The following RTL4 variants were observed in gnomAD, a reference collection of about 807,000 sequenced individuals.
RTL4 encodes the protein retrotransposon Gag-like protein 4.
A neutral mutation model predicts 5.3 loss-of-function variants in RTL4; 4 were observed. That is an observed-to-expected ratio of 0.75 (90% confidence interval 0.37 to 1.72). The LOEUF (loss-of-function observed/expected upper bound fraction) is 1.72. Among genes scored for constraint, RTL4 ranks in the 40% most tolerant of loss-of-function variants. The probability of loss-of-function intolerance (pLI) is 0.04; values close to 1 mark genes in which losing one functional copy is unlikely to be tolerated. For synonymous variants in RTL4, 98 were observed against 87.3 expected (o/e 1.12, Z -0.68); for missense variants, 260 against 227.1 (o/e 1.14, Z -0.93).
At chrX:112,184,816 G>A in the RTL4 span, among the ~76,000 whole-genome samples, 17 of 111,859 alleles carry the variant, frequency 1.5e-4, no homozygotes, top group African/African-American at 5.5e-4. Context: ...TTTATGACTA[G>A]GTAAAGCAGC....
the RTL4 span, among the ~76,000 whole-genome samples, chrX:112,424,784 G>C: frequency 9.0e-6 from 1 of 110,771 alleles, no homozygotes; most frequent in Non-Finnish European, 1.9e-5. Context: ...TTTTAGAGCA[G>C]TTTTAGGCTC....
chrX:112,330,669 A>T, the RTL4 span, among the ~76,000 whole-genome samples: 1 of 111,292 alleles, frequency 9.0e-6, no homozygotes, highest in Non-Finnish European at 1.9e-5. Context: ...TAAAGTTCAT[A>T]TGGAACCAAA....
At chrX:112,217,185 G>A in the RTL4 span, among the ~76,000 whole-genome samples, 1 of 111,595 alleles carries the variant, frequency 9.0e-6, no homozygotes, top group Non-Finnish European at 1.9e-5. Flanking sequence ...TGCCACAAGA[G>A]GGACAGAGCC....
At chrX:112,211,559 GCACA>G in the RTL4 span, among the ~76,000 whole-genome samples, 1 of 112,232 alleles carries the variant, frequency 8.9e-6, no homozygotes, top group Non-Finnish European at 1.9e-5. Flanking sequence ...TGGCTGCTTT[GCACA>G]GCACAGGGAG....
At chrX:112,216,012 A>G in the RTL4 span, among the ~76,000 whole-genome samples, 4 of 111,774 alleles carry the variant, frequency 3.6e-5, no homozygotes, top group East Asian at 2.8e-4. Flanking sequence ...TGCACGTTGT[A>G]TCTGTCAAAT....
the RTL4 span, among the ~76,000 whole-genome samples, chrX:112,396,314 G>A: frequency 9.0e-6 from 1 of 111,409 alleles, no homozygotes; most frequent in Non-Finnish European, 1.9e-5. Flanking sequence ...CACTACCAAG[G>A]CATAGTGGAA....
chrX:112,252,153 A>C, the RTL4 span, among the ~76,000 whole-genome samples: 1 of 112,166 alleles, frequency 8.9e-6, no homozygotes, highest in Non-Finnish European at 1.9e-5. Context: ...ACTGTTTTTC[A>C]AGTAAACTGG....
At chrX:112,365,173 G>A in the RTL4 span, among the ~76,000 whole-genome samples, 1 of 111,011 alleles carries the variant, frequency 9.0e-6, no homozygotes, top group African/African-American at 3.3e-5. Context: ...TGGACATGGT[G>A]GGGGTGGAAA....
At chrX:112,084,398 T>C in the RTL4 span, among the ~76,000 whole-genome samples, 1 of 109,584 alleles carries the variant, frequency 9.1e-6, no homozygotes, top group Non-Finnish European at 1.9e-5. Context: ...GAAGAGTTTG[T>C]GTCTGGGGGG....
chrX:112,390,106 AATATATATATATATATAT>A, the RTL4 span, among the ~76,000 whole-genome samples: 221 of 17,390 alleles, frequency 0.013, 3 homozygotes, highest in African/African-American at 0.027. Flanking sequence ...ATTTATATAT[AATATATATATATATATAT>A]ATATATATAT....
the RTL4 span, among the ~76,000 whole-genome samples, chrX:112,317,234 G>A: frequency 6.3e-5 from 7 of 111,619 alleles, no homozygotes; most frequent in African/African-American, 2.3e-4. Flanking sequence ...CCAGGTACTC[G>A]GAAGACTGAG....
the RTL4 span, among the ~76,000 whole-genome samples, chrX:112,330,287 A>T: frequency 1.9e-5 from 2 of 107,080 alleles, no homozygotes; most frequent in Non-Finnish European, 3.8e-5. Flanking sequence ...AAATCTCCTT[A>T]GGCTGATAAG....
At chrX:112,146,045 G>T in the RTL4 span, among the ~76,000 whole-genome samples, 1 of 112,279 alleles carries the variant, frequency 8.9e-6, no homozygotes, top group African/African-American at 3.2e-5. Flanking sequence ...TCTGGCTGCC[G>T]CATGAAGAGT....
At chrX:112,161,844 C>CTTTCTTTCTTTCTTTCTTTCTTTCTTT in the RTL4 span, among the ~76,000 whole-genome samples, 6 of 40,073 alleles carry the variant, frequency 1.5e-4, no homozygotes, top group Admixed American at 6.6e-4. Context: ...TTCCTTCCTT[C>CTTTCTTTCTTTCTTTCTTTCTTTCTTT]CTTTCTTTCT....
chrX:112,364,023 AG>A, the RTL4 span, among the ~76,000 whole-genome samples: 1 of 112,078 alleles, frequency 8.9e-6, no homozygotes, highest in African/African-American at 3.2e-5. Context: ...TGTCAACCCA[AG>A]TGTTCCCATC....
the RTL4 span, among the ~76,000 whole-genome samples, chrX:112,221,718 G>A: frequency 1.8e-5 from 2 of 112,554 alleles, no homozygotes; most frequent in African/African-American, 6.5e-5. Flanking sequence ...GAGAATGATG[G>A]AGAGGTTGTT....
At chrX:112,177,714 C>T in the RTL4 span, among the ~76,000 whole-genome samples, 2 of 111,016 alleles carry the variant, frequency 1.8e-5, no homozygotes, top group Non-Finnish European at 3.8e-5. Flanking sequence ...AGCCTTCTGA[C>T]ATAGGTTGTA....
At chrX:112,141,541 C>G in the RTL4 span, among the ~76,000 whole-genome samples, 1 of 111,707 alleles carries the variant, frequency 9.0e-6, no homozygotes, top group Non-Finnish European at 1.9e-5. Context: ...AGTGCACTGC[C>G]TTCAAATATC....
At chrX:112,280,142 T>C in the RTL4 span, among the ~76,000 whole-genome samples, 1 of 111,558 alleles carries the variant, frequency 9.0e-6, no homozygotes, top group Non-Finnish European at 1.9e-5. Context: ...AATACAAACA[T>C]GTAAATTTGG....
Sources: allele counts gnomAD v4.1 joint callset (sites outside exome capture counted in the v4.1 genomes callset), GRCh38; gene constraint gnomAD v4.1.1; transcripts MANE v1.5; gene names NCBI Gene and HGNC (gene_info 2026-07-23, HGNC 2026-07-21).